The following VPS13C variants were observed in gnomAD, a reference collection of about 807,000 sequenced individuals.
VPS13C encodes the protein vacuolar protein sorting 13 homolog C.
Under a neutral mutation model 456.8 loss-of-function variants are expected in VPS13C, and 358 were observed. The observed-to-expected ratio is 0.78, with a 90% CI of 0.72 to 0.86. The LOEUF is 0.86. Ranked by LOEUF, VPS13C falls within the 40% of genes least tolerant of loss-of-function variation. The pLI, the probability that VPS13C is intolerant of heterozygous loss-of-function variation, is 0.00. For synonymous variants in VPS13C, 1,578 were observed against 1,486.7 expected (o/e 1.06, Z -1.41); for missense variants, 4,818 against 4,385.4 (o/e 1.10, Z -2.79).
intron 66 of VPS13C, among the ~76,000 whole-genome samples, chr15:61,894,083 A>T (rs2042731512): frequency 1.3e-5 from 2 of 152,112 alleles, no homozygotes; most frequent in African/African-American, 4.8e-5. Context: ...AGGTGGGCGG[A>T]TTGTCTGAGG....
intron 20 of VPS13C, among the ~76,000 whole-genome samples, chr15:61,983,232 A>G (rs1367420927): frequency 6.6e-6 from 1 of 152,200 alleles, no homozygotes; most frequent in Non-Finnish European, 1.5e-5. Flanking sequence ...GTAAAATTAC[A>G]TCAGGGATCT....
chr15:61,919,349 G>C lies in VPS13C; in HGVS notation c.7578C>G (p.Val2526=), dbSNP rs201577606. The part of the protein sequence containing the change: ...RNPNASHSDS[V]LVQIDATEGN... ...CTTCAGTTGCATCAATTTGTACCAA[G>C]ACAGAGTCAGAATGACTGGCATTGG... Residue 2526 remains valine, a synonymous_variant, in exon 58 of 85, where the codon GTC becomes GTG. Coordinates refer to ENST00000644861, the MANE Select transcript of VPS13C (RefSeq NM_020821.3). 6.2e-7 allele frequency: 1 copy of C among 1,606,050 alleles called. No individual in the cohort carries two copies. The highest frequency in any genetic ancestry group is 2.3e-5 in the East Asian group (1 of 44,252).
At chr15:62,012,548 T>A (rs956481696) in intron 11 of VPS13C, among the ~76,000 whole-genome samples, 1 of 151,940 alleles carries the variant, frequency 6.6e-6, no homozygotes, top group African/African-American at 2.4e-5. Context: ...GTTCTAAAAA[T>A]TGAATTGTTC....
intron 1 of VPS13C, among the ~76,000 whole-genome samples, chr15:62,056,762 T>C (rs1055676118): frequency 2.0e-5 from 3 of 152,170 alleles, no homozygotes; most frequent in African/African-American, 4.8e-5. Context: ...GCCTTCTAGA[T>C]AGCAGTAGTC....
rs2046886203 is a variant in VPS13C at position 62,007,327 on chromosome 15, T to C, written c.1271A>G (p.Glu424Gly). Residue 424 changes from glutamate (E) to glycine (G), a missense_variant, in exon 15 of 85, where the codon GAA becomes GGA. This residue lies in a region of VPS13C where 4,552 missense variants were observed against 4,130.6 expected (regional missense o/e 1.10). Transcript: ENST00000644861. ...ATATACCTGAATTTCTTTCTGTATTTCTTCTGAGACTTTAGACTGTGTTAA... is the reference window on the plus strand; with the variant it reads ...ATATACCTGAATTTCTTTCTGTATTCCTTCTGAGACTTTAGACTGTGTTAA... Reference protein sequence around the residue: ...NKLTQSKVSEEIQKEIQDLEK... With the variant: ...NKLTQSKVSEGIQKEIQDLEK... 5 of 1,607,700 alleles carry C rather than the reference T, an allele frequency of 3.1e-6. No individual in the cohort carries two copies. The highest frequency in any genetic ancestry group is 4.2e-6 in the Non-Finnish European group (5 of 1,177,944).
intron 1 of VPS13C, among the ~76,000 whole-genome samples, chr15:62,059,598 C>T (rs1461543993): frequency 2.0e-5 from 3 of 152,130 alleles, no homozygotes; most frequent in Non-Finnish European, 2.9e-5. Flanking sequence ...CGATGCTGGT[C>T]GAGGCTTGAA....
intron 66 of VPS13C, among the ~76,000 whole-genome samples, chr15:61,896,808 C>T (rs2140096625): frequency 1.3e-5 from 2 of 152,214 alleles, no homozygotes; most frequent in South Asian, 4.1e-4. Flanking sequence ...AGGGCACAGA[C>T]AAACAAAAAG....
Position 61,867,982 on chromosome 15 carries a change from G to A in VPS13C, c.10863+677C>T, listed in dbSNP as rs1168439643. The stretch of plus-strand genomic sequence containing the variant: ...CAGAAAAACAAAGAAAATAAAGTTA[G>A]AAGCATGCAGAAAGATAGATAAAAC... On this transcript the variant is annotated intron_variant, in intron 81 of 84. Transcript: ENST00000644861. The surrounding 1 kb of genome is among the most constrained non-coding windows in gnomAD (Gnocchi z 5.0). The A allele has an allele frequency of 1.5e-6, 2 of 1,370,780 alleles. No individual in the cohort carries two copies. The highest frequency in any genetic ancestry group is 1.4e-5 in the African/African-American group (1 of 69,828). The allele number at this position is 1,370,780 out of a possible 1,614,324, so 84.9% of individuals were successfully genotyped here.
At chr15:61,900,469 A>T (rs1419664454) in intron 66 of VPS13C, among the ~76,000 whole-genome samples, 1 of 152,202 alleles carries the variant, frequency 6.6e-6, no homozygotes, top group Non-Finnish European at 1.5e-5. Context: ...TACACCAACA[A>T]CAGACAGAGA....
In VPS13C at chr15:62,000,672, A is replaced by G. The variant is rs781012421; in HGVS notation, c.1291-46T>C. Reference sequence around the variant, plus strand: ...TATAAACAAGAAATTTAATCATTAGATAAAAGAAATTTTTCTTTCATGATT... The same window carrying G: ...TATAAACAAGAAATTTAATCATTAGGTAAAAGAAATTTTTCTTTCATGATT... On this transcript the variant is annotated intron_variant, in intron 15 of 84. Coordinates refer to ENST00000644861, the MANE Select transcript of VPS13C (RefSeq NM_020821.3). 1.4e-5 allele frequency: 22 copies of G among 1,525,384 alleles called. No individual in the cohort carries two copies. In the East Asian group the frequency reaches 3.5e-4, roughly 24 times the overall value. 94.5% of individuals were successfully genotyped at this position (1,525,384 alleles called of 1,614,324 possible).
intron 15 of VPS13C, among the ~76,000 whole-genome samples, chr15:62,004,533 T>C (rs554372608): frequency 5.9e-4 from 87 of 147,212 alleles, no homozygotes; most frequent in Admixed American, 3.7e-3. Context: ...AGTTCTGCTC[T>C]GATTTTAGTT....
chr15:62,049,385 C>G lies in VPS13C; in HGVS notation c.101-5130G>C, dbSNP rs559724967. 4.7e-4 allele frequency among the ~76,000 whole-genome samples: 71 copies of G among 152,234 alleles called. No individual in the cohort carries two copies. The South Asian group carries it at 0.013, about 28-fold the overall frequency. ...AATCCTTTCCCCATTGCTTGTTTTT[C>G]TCAGGTTTGTCAAATATCAGATGGT... On this transcript the variant is annotated intron_variant, in intron 1 of 84. Coordinates refer to ENST00000644861, the MANE Select transcript of VPS13C (RefSeq NM_020821.3).
Position 61,994,773 on chromosome 15 carries a change from A to G in VPS13C, c.1354-2971T>C, listed in dbSNP as rs28533180. On this transcript the variant is annotated intron_variant, in intron 16 of 84. Transcript: ENST00000644861. ...CCCGGCTAATTTTTGTATTTTTAGT[A>G]GAGACAGGGTTTCACTATGTTGGCC... 3.0e-3 allele frequency among the ~76,000 whole-genome samples: 450 copies of G among 152,148 alleles called. 2 individuals carry two copies. The highest frequency in any genetic ancestry group is 0.01 in the African/African-American group (429 of 41,496).
At chr15:61,899,716 T>G (rs2140107503) in intron 66 of VPS13C, among the ~76,000 whole-genome samples, 1 of 151,240 alleles carries the variant, frequency 6.6e-6, no homozygotes, top group Middle Eastern at 3.4e-3. Flanking sequence ...CTTCTGAAAC[T>G]ATTCCAATCA....
At chr15:62,039,853 C>G (rs1239223849) in intron 3 of VPS13C, among the ~76,000 whole-genome samples, 1 of 152,080 alleles carries the variant, frequency 6.6e-6, no homozygotes, top group African/African-American at 2.4e-5. Flanking sequence ...AATCCCACTG[C>G]TAGGTATATA....
chr15:61,911,531 C>T (rs957752609), intron 63 of VPS13C, among the ~76,000 whole-genome samples: 2 of 152,140 alleles, frequency 1.3e-5, no homozygotes, highest in African/African-American at 4.8e-5. Context: ...AATATAGAGA[C>T]ATTATCTTGA....
chr15:61,967,300 C>T, intron 29 of VPS13C, 68 bp downstream of exon 29: 1 of 1,343,872 alleles, frequency 7.4e-7, no homozygotes, highest in South Asian at 1.2e-5. Context: ...AACTTACTGT[C>T]ATATTCTTCC....
chr15:61,965,544 C>T (rs2045351336), intron 30 of VPS13C, among the ~76,000 whole-genome samples: 2 of 151,814 alleles, frequency 1.3e-5, no homozygotes, highest in South Asian at 2.1e-4. Context: ...TTTCTCATAA[C>T]ACTAAATGGA....
intron 15 of VPS13C, among the ~76,000 whole-genome samples, chr15:62,002,494 C>T (rs926353729): frequency 1.5e-4 from 23 of 152,136 alleles, no homozygotes; most frequent in Non-Finnish European, 2.9e-4. Flanking sequence ...ATGGTAGTTT[C>T]TTTTGCTGTG....
Sources: gnomAD v4.1 joint callset for allele counts (sites outside exome capture counted in the v4.1 genomes callset) on GRCh38, gnomAD v4.1.1 for gene constraint, gnomAD v4.1.1 regional missense constraint, Gnocchi (gnomAD v3.1) non-coding constraint, MANE v1.5 for transcripts, NCBI Gene and HGNC (gene_info 2026-07-23, HGNC 2026-07-21) for gene names.